GGT1: variants seen among roughly 807,000 people sequenced by gnomAD.
The protein encoded by GGT1 is gamma-glutamyltransferase 1.
In GGT1, 21 loss-of-function variants were observed where a neutral mutation model predicts 56.0. That is an observed-to-expected ratio of 0.38 (90% confidence interval 0.27 to 0.54). The LOEUF is 0.54. GGT1 is among the 20% of genes least tolerant of loss of function. GGT1 has a pLI of 0.82. For missense variants in GGT1, 466 were observed against 787.0 expected (o/e 0.59, Z 4.88); for synonymous variants, 238 against 342.6 (o/e 0.69, Z 3.37).
At chr22:24,616,515 T>C (rs1000472834) in intron 7 of GGT1, among the ~76,000 whole-genome samples, 5 of 151,510 alleles carry the variant, frequency 3.3e-5, no homozygotes, top group African/African-American at 1.2e-4. Context: ...TGGAGTCTTC[T>C]GCAACATACT....
At chr22:24,596,742 C>A (rs75941502) in intron 1 of GGT1, among the ~76,000 whole-genome samples, 438 of 108,132 alleles carry the variant, frequency 4.1e-3, no homozygotes, top group African/African-American at 4.4e-3. Flanking sequence ...TACTAAAATA[C>A]AAAAAAAAAA....
At chr22:24,617,447 G>C (rs1370358065) in intron 7 of GGT1, among the ~76,000 whole-genome samples, 1 of 152,172 alleles carries the variant, frequency 6.6e-6, no homozygotes, top group Non-Finnish European at 1.5e-5. Context: ...TAAGGGGCAG[G>C]GAGCATGTGG....
intron 1 of GGT1, among the ~76,000 whole-genome samples, chr22:24,595,890 G>T (rs1014159330): frequency 6.6e-6 from 1 of 152,212 alleles, no homozygotes; most frequent in African/African-American, 2.4e-5. Flanking sequence ...GAGGGAAAAA[G>T]GCCAGCTCAG....
At chr22:24,598,983 T>C (rs2045739700), upstream of GGT1, among the ~76,000 whole-genome samples, 1 of 152,218 alleles carries the variant, frequency 6.6e-6, no homozygotes, top group Non-Finnish European at 1.5e-5. Context: ...CCCAGGCTGC[T>C]CTTGAACTCC....
intron 2 of GGT1, among the ~76,000 whole-genome samples, chr22:24,608,444 G>A (rs1323489092): frequency 6.6e-6 from 1 of 152,200 alleles, no homozygotes. Flanking sequence ...GGTCATGGTT[G>A]GACCACCCCA....
At chr22:24,605,044 T>A (rs1321266898) in intron 1 of GGT1, among the ~76,000 whole-genome samples, 1 of 69,232 alleles carries the variant, frequency 1.4e-5, no homozygotes, top group South Asian at 3.2e-4. Flanking sequence ...ATAAAATATG[T>A]AATATATTAT....
upstream of GGT1, among the ~76,000 whole-genome samples, chr22:24,602,422 G>A (rs2330797): frequency 1.6e-3 from 244 of 152,348 alleles, 2 homozygotes; most frequent in Non-Finnish European, 1.7e-3. Flanking sequence ...GAACGTAAGC[G>A]TGAGCCTTGC....
intron 11 of GGT1, among the ~76,000 whole-genome samples, chr22:24,625,400 A>AGT (rs2047684763): frequency 6.6e-6 from 1 of 152,116 alleles, no homozygotes; most frequent in Non-Finnish European, 1.5e-5. Flanking sequence ...CAGCCCCCTG[A>AGT]ACAGCTGGGA....
rs1226677076 is a variant in GGT1 at position 24,607,952 on chromosome 22, A to G, written c.-428-2A>G. The G allele has an allele frequency of 2.1e-6, 1 of 467,392 alleles. No individual in the cohort carries two copies. Among genetic ancestry groups the G allele is most frequent in the Admixed American group, 2.4e-5 (1 of 42,394 alleles). 29.0% of individuals were successfully genotyped at this position (467,392 alleles called of 1,614,324 possible). ...CAGACAAGTCTGTCTCTTCCTCCCC[A>G]GCGGGTGCAGCCCAGAACTGTCTTC... On this transcript the variant is annotated splice_acceptor_variant, in intron 1 of 15. Transcript: ENST00000400382. LOFTEE classifies it low-confidence loss of function (5UTR_SPLICE).
At chr22:24,624,042 C>T (rs747084567) in intron 11 of GGT1, 126 bp downstream of exon 11, 29 of 1,528,706 alleles carry the variant, frequency 1.9e-5, no homozygotes, top group African/African-American at 1.4e-4. Flanking sequence ...ACTTCGATTG[C>T]GGGCCTACTG....
intron 11 of GGT1, 50 bp from the exon 12 acceptor site, chr22:24,627,382 T>TGGCCCCCCCCC: frequency 1.7e-5 from 10 of 580,418 alleles, no homozygotes; most frequent in East Asian, 4.6e-5. Context: ...CTGTGCCCCC[T>TGGCCCCCCCCC]CCCCACCCTC....
At chr22:24,591,828 C>T (rs916143723), upstream of GGT1, among the ~76,000 whole-genome samples, 1 of 152,250 alleles carries the variant, frequency 6.6e-6, no homozygotes, top group African/African-American at 2.4e-5. Context: ...GACAGGGCCC[C>T]AGACCGCAAC....
chr22:24,589,410 G>C, the GGT1 span: 1 of 1,047,254 alleles, frequency 9.5e-7, no homozygotes. Context: ...ACAGACGGGG[G>C]CTCTAGCCGA....
At chr22:24,588,278 G>A in the GGT1 span, 1 of 1,613,670 alleles carries the variant, frequency 6.2e-7, no homozygotes, top group Non-Finnish European at 8.5e-7. Context: ...GGGGTGAGGT[G>A]GTAGATGAGC....
rs373494120 is a variant in GGT1 at position 24,621,175 on chromosome 22, A to G, written c.733+105A>G. 1.0e-3 allele frequency: 1,515 copies of G among 1,480,752 alleles called. 29 individuals carry two copies. The South Asian group carries it at 0.019, about 19-fold the overall frequency. The allele number at this position is 1,480,752 out of a possible 1,614,324, so 91.7% of individuals were successfully genotyped here. A position where few individuals can be genotyped will look rare whatever the true frequency, so the allele number is the denominator to read the frequency against. On this transcript the variant is annotated intron_variant, in intron 9 of 15. Transcript: ENST00000400382. ...TCCTGTCTTGCCTGAGCCTGCAGGA[A>G]GTTCCTGGTGGAGGAGGGTCAGTGA...
chr22:24,592,667 C>T (rs901022016), upstream of GGT1: 19 of 982,048 alleles, frequency 1.9e-5, no homozygotes, highest in South Asian at 5.3e-5. Context: ...CAGGCGGTCG[C>T]CCTCTCGCCC....
chr22:24,611,053 G>A, intron 4 of GGT1, 22 bp from the exon 5 acceptor site: 6 of 1,590,164 alleles, frequency 3.8e-6, no homozygotes, highest in Non-Finnish European at 5.1e-6. Context: ...GCCTGACCCT[G>A]CTTCTTACCC....
upstream of GGT1, among the ~76,000 whole-genome samples, chr22:24,600,404 C>G (rs1277005244): frequency 1.3e-5 from 2 of 152,234 alleles, no homozygotes; most frequent in Admixed American, 6.5e-5. Context: ...AGGGCCCATG[C>G]CTCTGCCATC....
the GGT1 span, among the ~76,000 whole-genome samples, chr22:24,584,661 C>T: frequency 1.3e-5 from 2 of 152,070 alleles, no homozygotes; most frequent in Non-Finnish European, 2.9e-5. Context: ...AGGACCCCTG[C>T]CTCCTCCTTA....
Sources: allele counts gnomAD v4.1 joint callset (sites outside exome capture counted in the v4.1 genomes callset), GRCh38; gene constraint gnomAD v4.1.1; transcripts MANE v1.5; gene names NCBI Gene and HGNC (gene_info 2026-07-23, HGNC 2026-07-21).